The following GRM8 variants were observed in gnomAD, a reference collection of about 807,000 sequenced individuals.
GRM8 encodes metabotropic glutamate receptor 8.
In GRM8, 47 loss-of-function variants were observed where a neutral mutation model predicts 87.2. That is an observed-to-expected ratio of 0.54 (90% CI 0.43 to 0.69). The LOEUF (loss-of-function observed/expected upper bound fraction) is 0.69, where lower values mean the gene tolerates loss of function less well. Among genes scored for constraint, GRM8 ranks in the 30% least tolerant of loss-of-function variants. The pLI is 0.00. For synonymous variants in GRM8, 396 were observed against 404.5 expected (o/e 0.98, Z 0.25); for missense variants, 1,019 against 1,139.2 (o/e 0.89, Z 1.52).
chr7:126,944,605 C>T (rs1807328559), intron 3 of GRM8, among the ~76,000 whole-genome samples: 1 of 152,206 alleles, frequency 6.6e-6, no homozygotes, highest in Admixed American at 6.5e-5. Flanking sequence ...TAAATTTCAA[C>T]TGTTCCAGAA....
At chr7:126,902,945 A>T (rs2518946) in intron 5 of GRM8, among the ~76,000 whole-genome samples, 117,990 of 151,964 alleles carry the variant, frequency 0.78, 46,246 homozygotes, top group East Asian at 0.97. Context: ...GGTGTCAGCG[A>T]CCTTCTTAAA....
intron 7 of GRM8, among the ~76,000 whole-genome samples, chr7:126,632,475 A>G (rs1166680603): frequency 6.6e-6 from 1 of 152,134 alleles, no homozygotes; most frequent in African/African-American, 2.4e-5. Context: ...ACAGTTTGGC[A>G]ATTCCTCAAA....
chr7:126,528,675 T>C lies in GRM8; in HGVS notation c.2430+4277A>G, dbSNP rs567916818. ...GTATTTATTTTAAATAATCAACCCT[T>C]TTCCTGCTTTTCCCCAGAATATATG... On this transcript the variant is annotated intron_variant, in intron 9 of 10. Coordinates refer to ENST00000339582, the MANE Select transcript of GRM8 (RefSeq NM_000845.3). Among the ~76,000 whole-genome samples, 187 of 151,264 alleles carry C rather than the reference T, an allele frequency of 1.2e-3. 2 individuals are homozygous for C. Among genetic ancestry groups the C allele is most frequent in the African/African-American group, 4.3e-3 (178 of 41,320 alleles).
At chr7:127,143,897 T>TTTG (rs1487280778) in intron 2 of GRM8, among the ~76,000 whole-genome samples, 5 of 152,136 alleles carry the variant, frequency 3.3e-5, no homozygotes, top group Non-Finnish European at 5.9e-5. Flanking sequence ...TTTGCTGCAA[T>TTTG]AGGTATAAAT....
At chr7:127,094,908 A>G (rs893105257) in intron 3 of GRM8, among the ~76,000 whole-genome samples, 2 of 152,226 alleles carry the variant, frequency 1.3e-5, no homozygotes, top group African/African-American at 4.8e-5. Flanking sequence ...GGGAATTCAC[A>G]TTTATTCATT....
At chr7:126,927,902 A>G (rs1206834601) in intron 3 of GRM8, among the ~76,000 whole-genome samples, 1 of 152,196 alleles carries the variant, frequency 6.6e-6, no homozygotes, top group African/African-American at 2.4e-5. Context: ...ATTCTACTAT[A>G]AAGACACATG....
rs1585096461 is a variant in GRM8 at position 126,574,991 on chromosome 7, G to A, written c.1494+34371C>T. On this transcript the variant is annotated intron_variant, in intron 8 of 10. Transcript: ENST00000339582. Reference sequence around the variant, plus strand: ...CCAAGCTCTGTCTCAGAACTGGCTCGAATTCTCTGGTGATTCCTTTTCCCT... The same window carrying A: ...CCAAGCTCTGTCTCAGAACTGGCTCAAATTCTCTGGTGATTCCTTTTCCCT... Among the ~76,000 whole-genome samples the A allele has an allele frequency of 2.0e-5, 3 of 152,068 alleles. No homozygotes were observed. In the South Asian group the frequency reaches 6.2e-4, roughly 32 times the overall value.
At chr7:126,622,710 C>G (rs1230376545) in intron 7 of GRM8, among the ~76,000 whole-genome samples, 3 of 152,178 alleles carry the variant, frequency 2.0e-5, no homozygotes, top group African/African-American at 7.2e-5. Context: ...CAAATCAGTT[C>G]TAATAGCTCT....
At chr7:127,165,193 T>TATATATATATA (rs1793378570) in intron 2 of GRM8, among the ~76,000 whole-genome samples, 4 of 109,400 alleles carry the variant, frequency 3.7e-5, no homozygotes, top group Non-Finnish European at 5.7e-5. Flanking sequence ...TATATATATA[T>TATATATATATA]TCAGGTTTCA....
intron 3 of GRM8, among the ~76,000 whole-genome samples, chr7:126,955,459 T>TTAAA (rs538030291): frequency 1.2e-4 from 19 of 152,114 alleles, no homozygotes; most frequent in African/African-American, 3.1e-4. Flanking sequence ...GACTAGGAAG[T>TTAAA]TAAATAAATA....
intron 3 of GRM8, among the ~76,000 whole-genome samples, chr7:126,912,357 C>T (rs909944535): frequency 2.6e-5 from 4 of 152,182 alleles, no homozygotes; most frequent in African/African-American, 9.7e-5. Context: ...ATGAACTCAG[C>T]CTGACTGCTT....
At chr7:126,917,394 C>T (rs1026768372) in intron 3 of GRM8, among the ~76,000 whole-genome samples, 1 of 151,988 alleles carries the variant, frequency 6.6e-6, no homozygotes, top group Non-Finnish European at 1.5e-5. Context: ...CACACACACA[C>T]ACACATGGAC....
intron 3 of GRM8, chr7:127,076,288 T>A: frequency 2.3e-6 from 1 of 440,636 alleles, no homozygotes; most frequent in South Asian, 1.6e-5. Flanking sequence ...TGCTGTAATA[T>A]ACATTAAACA....
chr7:127,182,838 C>T (rs372506592), intron 2 of GRM8, among the ~76,000 whole-genome samples: 8 of 151,364 alleles, frequency 5.3e-5, no homozygotes, highest in East Asian at 3.9e-4. Context: ...TATGTCAGAG[C>T]TAAGCTATGA....
In GRM8 at chr7:126,738,336, G is replaced by A. The variant is rs140356677; in HGVS notation, c.1357+31529C>T. ...TGCACGTAGCCCACTAGAGAGAGGGGAATAAAATGTTACTGAAATAATTAA... is the reference window on the plus strand; with the variant it reads ...TGCACGTAGCCCACTAGAGAGAGGGAAATAAAATGTTACTGAAATAATTAA... On this transcript the variant is annotated intron_variant, in intron 7 of 10. Coordinates refer to ENST00000339582, the MANE Select transcript of GRM8 (RefSeq NM_000845.3). Among the ~76,000 whole-genome samples, 558 of 152,118 alleles carry A rather than the reference G, an allele frequency of 3.7e-3. 1 individual carries two copies. The highest frequency in any genetic ancestry group is 5.3e-3 in the Non-Finnish European group (360 of 67,972).
chr7:126,653,216 C>A lies in GRM8; in HGVS notation c.1358-43718G>T, dbSNP rs187753829. Among the ~76,000 whole-genome samples, 330 of 149,696 alleles carry A rather than the reference C, an allele frequency of 2.2e-3. 1 individual carries two copies. Among genetic ancestry groups the A allele is most frequent in the African/African-American group, 7.8e-3 (316 of 40,772 alleles). On this transcript the variant is annotated intron_variant, in intron 7 of 10. Transcript: ENST00000339582. ...TATTAGGGAGGCTGAGGTGGAGGAT[C>A]ACTTGATCCCAGGAGTTTGAGGCTG...
At chr7:127,063,966 T>C (rs890071698) in intron 3 of GRM8, among the ~76,000 whole-genome samples, 2 of 152,248 alleles carry the variant, frequency 1.3e-5, no homozygotes, top group African/African-American at 4.8e-5. Flanking sequence ...CTTTCTATTT[T>C]TATTGTGCTA....
intron 8 of GRM8, among the ~76,000 whole-genome samples, chr7:126,604,614 T>G (rs1289841758): frequency 6.7e-6 from 1 of 149,122 alleles, no homozygotes; most frequent in African/African-American, 2.4e-5. Context: ...ATAAAGAACC[T>G]GAGTCTAAGT....
intron 2 of GRM8, among the ~76,000 whole-genome samples, chr7:127,199,983 T>C (rs779095742): frequency 6.6e-6 from 1 of 152,244 alleles, no homozygotes; most frequent in Non-Finnish European, 1.5e-5. Flanking sequence ...ATTTATCATA[T>C]ATATTTTTTC....
Sources: gnomAD v4.1 joint callset for allele counts (sites outside exome capture counted in the v4.1 genomes callset) on GRCh38, gnomAD v4.1.1 for gene constraint, MANE v1.5 for transcripts, NCBI Gene and HGNC (gene_info 2026-07-23, HGNC 2026-07-21) for gene names.